Variants in WDR64 observed in about 807,000 individuals in gnomAD.
WDR64 encodes WD repeat domain 64, also known as WD repeat-containing protein 64.
In WDR64, 112 loss-of-function variants were observed where a neutral mutation model predicts 139.3. That is an observed-to-expected ratio of 0.80 (90% CI 0.69 to 0.94). The LOEUF is 0.94. Among genes scored for constraint, WDR64 ranks in the 40% least tolerant of loss-of-function variants. WDR64 has a pLI of 0.00. For synonymous variants in WDR64, 444 were observed against 437.7 expected, an observed-to-expected ratio of 1.01 and a Z score of -0.18; for missense variants, 1,206 against 1,293.1, an observed-to-expected ratio of 0.93 and a Z score of 1.03.
chr1:241,700,169 T>TA (rs1236125217), intron 8 of WDR64, among the ~76,000 whole-genome samples: 2 of 141,732 alleles, frequency 1.4e-5, no homozygotes, highest in African/African-American at 2.6e-5. Context: ...AATCTGTTTC[T>TA]TTTTTTTTTA....
At chr1:241,671,276 T>C (rs1288783248) in intron 3 of WDR64, 100 bp downstream of exon 3, 1 of 873,352 alleles carries the variant, frequency 1.1e-6, no homozygotes, top group African/African-American at 1.7e-5. Context: ...TCATTTTATG[T>C]ATTTGTTCAA....
intron 15 of WDR64, among the ~76,000 whole-genome samples, 191 bp downstream of exon 15, chr1:241,757,650 T>C (rs942035535): frequency 2.9e-4 from 5 of 17,206 alleles, no homozygotes; most frequent in Admixed American, 1.9e-3. Context: ...AATGGATTTG[T>C]TTTTTTTTTT....
rs1296893731 is a variant in WDR64 at position 241,735,531 on chromosome 1, C to CCCTTTTTTTTTTTTTTTT, written c.1195-2832_1195-2831insCCTTTTTTTTTTTTTTTT. Reference sequence around the variant, plus strand: ...TAGTTCTCTGTCTCTCTCTCTCTCTCTCTTTTTTTTTTTTTTTTTTTGATA... The same window carrying CCCTTTTTTTTTTTTTTTT: ...TAGTTCTCTGTCTCTCTCTCTCTCTCCCTTTTTTTTTTTTTTTTTCTTTTTTTTTTTTTTTTTTTGATA... On this transcript the variant is annotated intron_variant, in intron 10 of 27. Coordinates refer to ENST00000437684, the MANE Select transcript of WDR64 (RefSeq NM_001367482.1). Among the ~76,000 whole-genome samples the CCCTTTTTTTTTTTTTTTT allele has an allele frequency of 1.1e-4, 11 of 96,786 alleles. 1 individual carries two copies. Among genetic ancestry groups the CCCTTTTTTTTTTTTTTTT allele is most frequent in the African/African-American group, 4.5e-4 (11 of 24,388 alleles). The allele number at this position is 96,786 out of a possible 152,430, so 63.5% of individuals were successfully genotyped here.
chr1:241,781,086 T>C (rs1263529647), intron 22 of WDR64, among the ~76,000 whole-genome samples: 1 of 152,206 alleles, frequency 6.6e-6, no homozygotes, highest in African/African-American at 2.4e-5. Flanking sequence ...CTACTGCTGA[T>C]GATTATTATA....
At chr1:241,712,855 G>A (rs953719939) in intron 9 of WDR64, among the ~76,000 whole-genome samples, 3 of 152,062 alleles carry the variant, frequency 2.0e-5, no homozygotes, top group African/African-American at 7.2e-5. Context: ...CGTGAGCCCA[G>A]GAGGTTGAGG....
chr1:241,718,966 C>A (rs1329806822), intron 9 of WDR64, among the ~76,000 whole-genome samples: 1 of 152,156 alleles, frequency 6.6e-6, no homozygotes, highest in African/African-American at 2.4e-5. Flanking sequence ...CCCCCATTTC[C>A]AAACACCATC....
chr1:241,790,444 G>C (rs1240787092), intron 24 of WDR64, 147 bp from the exon 25 acceptor site: 2 of 607,348 alleles, frequency 3.3e-6, no homozygotes, highest in Non-Finnish European at 5.7e-6. Context: ...ACTGGTATAA[G>C]AGTTGAGTGT....
chr1:241,683,864 T>TACACACACACAC (rs11473073), intron 7 of WDR64, among the ~76,000 whole-genome samples, 163 bp downstream of exon 7: 4,056 of 145,468 alleles, frequency 0.028, 85 homozygotes, highest in East Asian at 0.1. Context: ...TGTTCATGTA[T>TACACACACACAC]ACACACACAC....
chr1:241,718,151 A>G (rs1346936922), intron 9 of WDR64, among the ~76,000 whole-genome samples: 2 of 152,214 alleles, frequency 1.3e-5, no homozygotes, highest in Non-Finnish European at 2.9e-5. Flanking sequence ...TCATTTACTT[A>G]GCAAACATGT....
rs145838699 is a variant in WDR64, at chr1:241,676,794, A to G, written c.484-1393A>G. On this transcript the variant is annotated intron_variant, in intron 4 of 27. Transcript: ENST00000437684. ...AACAGGGTCTCGCTGTGTTGTCCAG[A>G]CTAGTCTTGAACTCATGGTCTCAAG... is the stretch of plus-strand genomic sequence containing the variant. 8.5e-3 allele frequency among the ~76,000 whole-genome samples: 1,267 copies of G among 149,286 alleles called. 16 individuals are homozygous for G. Among genetic ancestry groups the G allele is most frequent in the African/African-American group, 0.029 (1,187 of 40,368 alleles).
At chr1:241,779,652 C>T (rs1337547752) in intron 21 of WDR64, among the ~76,000 whole-genome samples, 3 of 151,978 alleles carry the variant, frequency 2.0e-5, no homozygotes, top group East Asian at 1.9e-4. Context: ...ATGGTGAAAC[C>T]CTGTCTCTAC....
chr1:241,757,656 T>C (rs964055079), intron 15 of WDR64, among the ~76,000 whole-genome samples, 197 bp downstream of exon 15: 3 of 145,638 alleles, frequency 2.1e-5, no homozygotes, highest in African/African-American at 7.6e-5. Context: ...TTTGTTTTTT[T>C]TTTTTTTTTT....
intron 14 of WDR64, among the ~76,000 whole-genome samples, chr1:241,751,187 A>G (rs1558507050): frequency 6.6e-6 from 1 of 152,158 alleles, no homozygotes; most frequent in Non-Finnish European, 1.5e-5. Flanking sequence ...TCCACCTACT[A>G]CAAGTGTTGT....
rs1397660960 is a variant in WDR64 at position 241,703,097 on chromosome 1, AT to A, written c.975-8704del. ...CATTCTGAAATTTCTTTCCTCTTAT[AT>A]CATAAAGGAGAAAAGAGAAATGCCT... On this transcript the variant is annotated intron_variant, in intron 8 of 27. Transcript: ENST00000437684. This position sits in a 1 kb window ranked among gnomAD's most constrained non-coding sequence, Gnocchi z 5.9. 1.3e-5 allele frequency among the ~76,000 whole-genome samples: 2 copies of A among 152,156 alleles called. No individual in the cohort carries two copies. The highest frequency in any genetic ancestry group is 2.9e-5 in the Non-Finnish European group (2 of 68,034).
intron 8 of WDR64, among the ~76,000 whole-genome samples, chr1:241,690,309 A>G (rs962564538): frequency 2.0e-5 from 3 of 152,114 alleles, no homozygotes; most frequent in Non-Finnish European, 2.9e-5. Context: ...CGTCTCTACT[A>G]AAAATACAAA....
At chr1:241,762,040 G>C (rs1657930337) in intron 15 of WDR64, among the ~76,000 whole-genome samples, 1 of 152,124 alleles carries the variant, frequency 6.6e-6, no homozygotes, top group African/African-American at 2.4e-5. Flanking sequence ...TGTCTTAATG[G>C]CATCTAGAAT....
intron 15 of WDR64, among the ~76,000 whole-genome samples, chr1:241,761,001 T>C (rs971095939): frequency 3.3e-5 from 5 of 152,054 alleles, no homozygotes; most frequent in Non-Finnish European, 7.4e-5. Context: ...GGTCAAAAAG[T>C]AAATGCTAAT....
At chr1:241,654,107 C>A (rs1193591463) in intron 1 of WDR64, among the ~76,000 whole-genome samples, 6 of 152,174 alleles carry the variant, frequency 3.9e-5, no homozygotes, top group Non-Finnish European at 8.8e-5. Context: ...TTCTCTCAAA[C>A]CCCCCTTTTC....
chr1:241,720,803 A>C (rs1668580942), intron 9 of WDR64, among the ~76,000 whole-genome samples: 1 of 152,044 alleles, frequency 6.6e-6, no homozygotes, highest in Non-Finnish European at 1.5e-5. Context: ...CCTTAATTAG[A>C]TCCCATTTGT....
Sources: gnomAD v4.1 joint callset for allele counts (sites outside exome capture counted in the v4.1 genomes callset) on GRCh38, gnomAD v4.1.1 for gene constraint, Gnocchi (gnomAD v3.1) non-coding constraint, MANE v1.5 for transcripts, NCBI Gene and HGNC (gene_info 2026-07-23, HGNC 2026-07-21) for gene names.